CDKL1: variants seen among roughly 807,000 people sequenced by gnomAD.
CDKL1 encodes the protein cyclin-dependent kinase-like 1.
In CDKL1, 41 loss-of-function variants were observed where a neutral mutation model predicts 42.0. The observed-to-expected ratio is 0.98, with a 90% CI of 0.76 to 1.27. The LOEUF (loss-of-function observed/expected upper bound fraction) is 1.27, where lower values mean the gene tolerates loss of function less well. Ranked by LOEUF, CDKL1 falls within the 50% of genes most tolerant of loss-of-function variation. CDKL1 has a pLI of 0.00. For synonymous variants in CDKL1, 153 were observed against 158.6 expected (o/e 0.96, Z 0.26); for missense variants, 394 against 428.4 (o/e 0.92, Z 0.71).
chr14:50,385,727 C>T (rs2035060778), intron 2 of CDKL1, among the ~76,000 whole-genome samples: 1 of 147,106 alleles, frequency 6.8e-6, no homozygotes. Flanking sequence ...TCGCTTGAGC[C>T]CAAGGGGTGG....
intron 2 of CDKL1, chr14:50,376,422 G>A: frequency 2.1e-6 from 1 of 469,630 alleles, no homozygotes; most frequent in Non-Finnish European, 4.4e-6. Context: ...AGCACTTCCT[G>A]TGGAGGCAAA....
At chr14:50,383,227 G>A (rs1026509514) in intron 2 of CDKL1, among the ~76,000 whole-genome samples, 1 of 151,760 alleles carries the variant, frequency 6.6e-6, no homozygotes, top group Admixed American at 6.6e-5. Flanking sequence ...ATGTCTGGCC[G>A]GTTTGGAGTC....
chr14:50,342,900 C>T, intron 4 of CDKL1: 1 of 1,322,548 alleles, frequency 7.6e-7, no homozygotes, highest in Non-Finnish European at 1.0e-6. Flanking sequence ...AGGCAGCAGC[C>T]CTCACCCTCT....
intron 2 of CDKL1, among the ~76,000 whole-genome samples, chr14:50,376,160 T>G (rs111444588): frequency 6.6e-6 from 1 of 152,214 alleles, no homozygotes; most frequent in African/African-American, 2.4e-5. Context: ...TTAATGATAA[T>G]GCATCAGCAT....
At chr14:50,344,468 G>T (rs1359314026) in intron 4 of CDKL1, among the ~76,000 whole-genome samples, 12 of 130,872 alleles carry the variant, frequency 9.2e-5, no homozygotes, top group Non-Finnish European at 1.4e-4. Flanking sequence ...GTTCTTTGTG[G>T]TTTTTTTTTT....
intron 3 of CDKL1, among the ~76,000 whole-genome samples, chr14:50,353,873 T>C (rs2033976893): frequency 6.6e-6 from 1 of 152,122 alleles, no homozygotes; most frequent in Admixed American, 6.6e-5. Flanking sequence ...GTTTCTAATA[T>C]TAACTAATTT....
At position 50,363,008 on chromosome 14, in the gene CDKL1, A is replaced by G. The variant is rs1324815221; in HGVS notation, c.169-3859T>C. The G allele has an allele frequency of 8.8e-6, 4 of 456,854 alleles. No individual in the cohort carries two copies. The Admixed American group carries it at 9.5e-5, about 11-fold the overall frequency. The allele number at this position is 456,854 out of a possible 1,614,324, so 28.3% of individuals were successfully genotyped here. Reference sequence around the variant, plus strand: ...ACTTATGGCAAAGGGCTGCAGCTTCACTCTTGAAGCCAGGGAGACCACGAA... The same window carrying G: ...ACTTATGGCAAAGGGCTGCAGCTTCGCTCTTGAAGCCAGGGAGACCACGAA... On this transcript the variant is annotated intron_variant, in intron 2 of 9. Coordinates refer to ENST00000395834, the MANE Select transcript of CDKL1 (RefSeq NM_004196.7).
At chr14:50,352,678 A>C (rs747912407) in intron 3 of CDKL1, among the ~76,000 whole-genome samples, 2 of 152,244 alleles carry the variant, frequency 1.3e-5, no homozygotes, top group African/African-American at 2.4e-5. Flanking sequence ...CCATCTCATC[A>C]CAGAACACAG....
At chr14:50,397,129 C>G (rs563319253), upstream of CDKL1, 18 of 1,365,334 alleles carry the variant, frequency 1.3e-5, no homozygotes, top group African/African-American at 1.5e-5. Context: ...GTGCAAAGCG[C>G]AGCTGTAACC....
intron 2 of CDKL1, among the ~76,000 whole-genome samples, chr14:50,364,362 G>A (rs1382500924): frequency 2.6e-5 from 4 of 152,132 alleles, no homozygotes; most frequent in Non-Finnish European, 4.4e-5. Context: ...CCAGCTACTC[G>A]GGAGACTGAG....
At chr14:50,332,828 C>A in intron 8 of CDKL1, 3 of 593,174 alleles carry the variant, frequency 5.1e-6, no homozygotes, top group African/African-American at 1.9e-5. Flanking sequence ...CACATGATAA[C>A]AAATACAGTT....
intron 2 of CDKL1, chr14:50,363,709 A>G (rs1247398842): frequency 6.6e-6 from 1 of 152,188 alleles, no homozygotes; most frequent in Admixed American, 6.6e-5. Flanking sequence ...ATTCTACCCA[A>G]ACAAATCCCC....
At chr14:50,373,049 T>C (rs2034632611) in intron 2 of CDKL1, among the ~76,000 whole-genome samples, 1 of 152,238 alleles carries the variant, frequency 6.6e-6, no homozygotes, top group Non-Finnish European at 1.5e-5. Context: ...AATATTAGCA[T>C]AGTTTTTTCT....
chr14:50,335,193 G>A (rs1467805793), intron 7 of CDKL1, among the ~76,000 whole-genome samples: 1 of 151,002 alleles, frequency 6.6e-6, no homozygotes, highest in East Asian at 1.9e-4. Context: ...CTACTTGGGA[G>A]GCTAAGGCGG....
chr14:50,375,308 CAAAT>C (rs1411242062), intron 2 of CDKL1, among the ~76,000 whole-genome samples: 3 of 152,094 alleles, frequency 2.0e-5, no homozygotes, highest in Non-Finnish European at 2.9e-5. Flanking sequence ...AATGAATAAA[CAAAT>C]AAATAAAAGA....
intron 8 of CDKL1, chr14:50,334,351 C>T: frequency 6.7e-6 from 3 of 444,610 alleles, no homozygotes; most frequent in East Asian, 3.5e-5. Flanking sequence ...ACGGTTTCAC[C>T]ATGTTGACCA....
At chr14:50,335,547 A>C (rs1314285342) in intron 7 of CDKL1, 1 of 1,536,010 alleles carries the variant, frequency 6.5e-7, no homozygotes, top group African/African-American at 1.4e-5. Flanking sequence ...TGCTGGAGAC[A>C]ATCAGGAATA....
At chr14:50,385,125 G>T (rs983504800) in intron 2 of CDKL1, among the ~76,000 whole-genome samples, 1 of 139,686 alleles carries the variant, frequency 7.2e-6, no homozygotes, top group Non-Finnish European at 1.5e-5. Flanking sequence ...TTGGGTGAAA[G>T]TTGTTGGGGA....
intron 2 of CDKL1, chr14:50,390,304 G>T: frequency 7.3e-7 from 1 of 1,366,232 alleles, no homozygotes; most frequent in Non-Finnish European, 9.8e-7. Flanking sequence ...TCTGCCCAGG[G>T]ATCCCACAGT....
Sources: allele counts gnomAD v4.1 joint callset (sites outside exome capture counted in the v4.1 genomes callset), GRCh38; gene constraint gnomAD v4.1.1; transcripts MANE v1.5; gene names NCBI Gene and HGNC (gene_info 2026-07-23, HGNC 2026-07-21).